FARS2: variants seen among roughly 807,000 people sequenced by gnomAD.
FARS2 encodes phenylalanine--tRNA ligase, mitochondrial.
In FARS2, 40 loss-of-function variants were observed where a neutral mutation model predicts 46.4. The ratio of observed to expected loss-of-function variants is 0.86; its 90% CI spans 0.67 to 1.12. The LOEUF is 1.12. FARS2 is among the 50% of genes most tolerant of loss of function. FARS2 has a pLI of 0.00. For missense variants in FARS2, 513 were observed against 567.9 expected (o/e 0.90, Z 0.98); for synonymous variants, 234 against 214.9 (o/e 1.09, Z -0.78).
At chr6:5,273,236 A>T (rs547166253) in intron 1 of FARS2, among the ~76,000 whole-genome samples, 17 of 152,322 alleles carry the variant, frequency 1.1e-4, no homozygotes, top group Admixed American at 1.0e-3. Context: ...TTTTTTGAGG[A>T]ACCTCCACAC....
chr6:5,761,381 G>A (rs929411703), intron 6 of FARS2, among the ~76,000 whole-genome samples: 3 of 152,168 alleles, frequency 2.0e-5, no homozygotes, highest in African/African-American at 7.2e-5. Flanking sequence ...CCATGAATAT[G>A]TATGTATTGA....
At chr6:5,618,346 T>G (rs1252184539) in intron 6 of FARS2, among the ~76,000 whole-genome samples, 3 of 152,190 alleles carry the variant, frequency 2.0e-5, no homozygotes, top group Non-Finnish European at 2.9e-5. Flanking sequence ...AATGGTCTCC[T>G]GACCTTGAAC....
chr6:5,378,307 T>C (rs1759517813), intron 2 of FARS2, among the ~76,000 whole-genome samples: 1 of 152,232 alleles, frequency 6.6e-6, no homozygotes, highest in Non-Finnish European at 1.5e-5. Context: ...CCACGGAGGC[T>C]GCTCCTGCCC....
intron 1 of FARS2, among the ~76,000 whole-genome samples, chr6:5,323,122 AAATT>A (rs939886897): frequency 1.3e-5 from 2 of 152,136 alleles, no homozygotes; most frequent in South Asian, 2.1e-4. Flanking sequence ...TTTGAGGGGA[AAATT>A]AATTATTTTG....
chr6:5,318,273 C>T (rs1486298314), intron 1 of FARS2, among the ~76,000 whole-genome samples: 7 of 151,588 alleles, frequency 4.6e-5, no homozygotes, highest in Non-Finnish European at 1.0e-4. Flanking sequence ...GCAAGAGAAT[C>T]GCTTGAACCC....
chr6:5,738,894 AG>A (rs1481791479), intron 6 of FARS2, among the ~76,000 whole-genome samples: 2 of 152,150 alleles, frequency 1.3e-5, no homozygotes, highest in African/African-American at 4.8e-5. Flanking sequence ...TGGAACGCTT[AG>A]GGGTTATATT....
intron 1 of FARS2, among the ~76,000 whole-genome samples, chr6:5,279,382 A>G (rs1449524896): frequency 7.2e-6 from 1 of 138,730 alleles, no homozygotes; most frequent in Non-Finnish European, 1.5e-5. Context: ...CTCAAAAAAA[A>G]AAAAAGAAAA....
intron 6 of FARS2, among the ~76,000 whole-genome samples, chr6:5,634,954 C>CT (rs1776472557): frequency 6.6e-6 from 1 of 152,138 alleles, no homozygotes; most frequent in Admixed American, 6.5e-5. Flanking sequence ...TTAATGTGTC[C>CT]TGGAAGGAAT....
chr6:5,285,527 G>A (rs1767046297), intron 1 of FARS2, among the ~76,000 whole-genome samples: 1 of 152,200 alleles, frequency 6.6e-6, no homozygotes, highest in Admixed American at 6.5e-5. Context: ...GGACACGGAG[G>A]ACCATGGGGG....
At chr6:5,450,700 C>CTGT (rs1562049843) in intron 4 of FARS2, among the ~76,000 whole-genome samples, 1 of 12,098 alleles carries the variant, frequency 8.3e-5, no homozygotes, top group Non-Finnish European at 1.9e-4. Flanking sequence ...GGTAGTGTGC[C>CTGT]GCCTGTTAGT....
At chr6:5,680,854 A>T (rs1439975643) in intron 6 of FARS2, among the ~76,000 whole-genome samples, 1 of 143,596 alleles carries the variant, frequency 7.0e-6, no homozygotes, top group Non-Finnish European at 1.6e-5. Context: ...AGTTCACTAA[A>T]CAGTTGATCT....
intron 6 of FARS2, among the ~76,000 whole-genome samples, chr6:5,669,525 C>T (rs899382453): frequency 2.6e-5 from 4 of 152,132 alleles, no homozygotes; most frequent in African/African-American, 9.7e-5. Flanking sequence ...GGAGAGCCAC[C>T]GTATACGTCA....
intron 4 of FARS2, among the ~76,000 whole-genome samples, chr6:5,445,199 AGAG>A (rs1277816554): frequency 7.1e-6 from 1 of 141,606 alleles, no homozygotes; most frequent in African/African-American, 2.6e-5. Flanking sequence ...TTAAAAAAAA[AGAG>A]AGAAAAAGAG....
chr6:5,538,921 C>G (rs1219184075), intron 4 of FARS2, among the ~76,000 whole-genome samples: 1 of 152,160 alleles, frequency 6.6e-6, no homozygotes, highest in Non-Finnish European at 1.5e-5. Context: ...TGGTAGGCAG[C>G]TGAAGTCCAG....
intron 6 of FARS2, among the ~76,000 whole-genome samples, chr6:5,716,362 C>T (rs543073830): frequency 6.6e-6 from 1 of 152,252 alleles, no homozygotes; most frequent in African/African-American, 2.4e-5. Flanking sequence ...TCTTGGGGGT[C>T]TTGTTTTTTT....
chr6:5,293,849 T>C (rs1291700618), intron 1 of FARS2, among the ~76,000 whole-genome samples: 1 of 152,174 alleles, frequency 6.6e-6, no homozygotes, highest in East Asian at 1.9e-4. Flanking sequence ...GCATGATTGA[T>C]TGGGTGATTA....
At chr6:5,430,385 AG>A (rs1398103153) in intron 3 of FARS2, among the ~76,000 whole-genome samples, 1 of 152,120 alleles carries the variant, frequency 6.6e-6, no homozygotes, top group African/African-American at 2.4e-5. Flanking sequence ...CTTAAATTAC[AG>A]CACTTTTTCT....
chr6:5,373,215 G>C (rs1038358303), intron 2 of FARS2, among the ~76,000 whole-genome samples: 7 of 152,124 alleles, frequency 4.6e-5, no homozygotes, highest in Non-Finnish European at 1.5e-5. Flanking sequence ...TTACGGGAGA[G>C]ACTTTGGCTC....
chr6:5,505,689 GGATGC>G (rs143445034), intron 4 of FARS2, among the ~76,000 whole-genome samples: 2,559 of 152,248 alleles, frequency 0.017, 56 homozygotes, highest in African/African-American at 0.058. Flanking sequence ...TGAAGCTATA[GGATGC>G]GATGCCTGAG....
Sources: allele counts gnomAD v4.1 joint callset (sites outside exome capture counted in the v4.1 genomes callset), GRCh38; gene constraint gnomAD v4.1.1; transcripts MANE v1.5; gene names NCBI Gene and HGNC (gene_info 2026-07-23, HGNC 2026-07-21).